The following POU2F1 variants were observed in gnomAD, a reference collection of about 807,000 sequenced individuals.
POU2F1 encodes POU class 2 homeobox 1.
In POU2F1, 16 loss-of-function variants were observed where a neutral mutation model predicts 84.9. The ratio of observed to expected loss-of-function variants is 0.19; its 90% CI spans 0.13 to 0.29. POU2F1 has a LOEUF of 0.29. POU2F1 is among the 10% of genes least tolerant of loss of function. POU2F1 has a pLI of 1.00. For missense variants in POU2F1, 738 were observed against 942.6 expected (o/e 0.78, Z 2.84); for synonymous variants, 368 against 368.3 (o/e 1.00, Z 0.01).
At position 167,386,199 on chromosome 1, in the gene POU2F1, G is replaced by C. The variant is rs115382862; in HGVS notation, c.813+2248G>C. Among the ~76,000 whole-genome samples, 581 of 152,176 alleles carry C rather than the reference G, an allele frequency of 3.8e-3. 3 individuals carry two copies. Among genetic ancestry groups the C allele is most frequent in the African/African-American group, 0.013 (559 of 41,508 alleles). ...AATTATTTTGGCAGTTTCTTTTTGGGGGGGTGAGGGGGAGGCAAGGTCTTG... is the reference window on the plus strand; with the variant it reads ...AATTATTTTGGCAGTTTCTTTTTGGCGGGGTGAGGGGGAGGCAAGGTCTTG... On this transcript the variant is annotated intron_variant, in intron 8 of 15. Coordinates refer to ENST00000367866, the MANE Select transcript of POU2F1 (RefSeq NM_002697.4).
chr1:167,239,172 G>T (rs1463366514), intron 1 of POU2F1, among the ~76,000 whole-genome samples: 2 of 152,102 alleles, frequency 1.3e-5, no homozygotes, highest in Non-Finnish European at 1.5e-5. Context: ...ATTTAACCTA[G>T]TGTTCTTTTT....
At chr1:167,366,383 AC>A (rs1387048217) in intron 3 of POU2F1, among the ~76,000 whole-genome samples, 1 of 152,100 alleles carries the variant, frequency 6.6e-6, no homozygotes, top group Admixed American at 6.6e-5. Context: ...TCAGTGAAAA[AC>A]CCATATGTAC....
At chr1:167,384,758 G>A (rs1175758229) in intron 8 of POU2F1, among the ~76,000 whole-genome samples, 1 of 151,510 alleles carries the variant, frequency 6.6e-6, no homozygotes, top group Non-Finnish European at 1.5e-5. Context: ...CATACTTCAC[G>A]AAAAACTGAA....
intron 1 of POU2F1, chr1:167,329,153 C>T: frequency 1.4e-6 from 2 of 1,414,530 alleles, no homozygotes; most frequent in Non-Finnish European, 1.9e-6. Flanking sequence ...TACGCAACCC[C>T]CCTCTTTTCG....
chr1:167,350,438 G>A (rs976686410), intron 2 of POU2F1, among the ~76,000 whole-genome samples: 11 of 152,096 alleles, frequency 7.2e-5, no homozygotes, highest in African/African-American at 2.7e-4. Flanking sequence ...CTGATACTTA[G>A]TCTGAGACCT....
intron 1 of POU2F1, among the ~76,000 whole-genome samples, chr1:167,327,024 C>T (rs2101714376): frequency 6.6e-6 from 1 of 152,304 alleles, no homozygotes; most frequent in South Asian, 2.1e-4. Flanking sequence ...TTCATCATTG[C>T]TTTTCATCTT....
At chr1:167,317,108 G>A (rs1557889712) in intron 1 of POU2F1, among the ~76,000 whole-genome samples, 1 of 152,114 alleles carries the variant, frequency 6.6e-6, no homozygotes, top group Non-Finnish European at 1.5e-5. Flanking sequence ...GGCCAGGCTG[G>A]TCTTGAACTA....
At chr1:167,244,367 C>T (rs1337775788) in intron 1 of POU2F1, among the ~76,000 whole-genome samples, 1 of 152,172 alleles carries the variant, frequency 6.6e-6, no homozygotes, top group African/African-American at 2.4e-5. Flanking sequence ...CAGTTCCTTA[C>T]TGGTGGTCGA....
In POU2F1 at chr1:167,415,923, G is replaced by A; in HGVS notation, c.*113G>A. 5 of 992,610 alleles carry A rather than the reference G, an allele frequency of 5.0e-6. No individual in the cohort carries two copies. In the South Asian group the frequency reaches 6.2e-5, roughly 12 times the overall value. 61.5% of individuals were successfully genotyped at this position (992,610 alleles called of 1,614,324 possible). A position where few individuals can be genotyped will look rare whatever the true frequency, so the allele number is the denominator to read the frequency against. Reference sequence around the variant, plus strand: ...TGGCTTCCTCTCGCCGTGTTGTGAGGGCAAAGGAGAGAAGGGAGAAAAAAA... The same window carrying A: ...TGGCTTCCTCTCGCCGTGTTGTGAGAGCAAAGGAGAGAAGGGAGAAAAAAA... On this transcript the variant is annotated 3_prime_UTR_variant, in exon 16 of 16. Transcript: ENST00000367866.
chr1:167,266,987 G>GA (rs1469090037), intron 1 of POU2F1, among the ~76,000 whole-genome samples: 1 of 152,110 alleles, frequency 6.6e-6, no homozygotes, highest in Non-Finnish European at 1.5e-5. Flanking sequence ...CACCAGTAAG[G>GA]AAAGATATGA....
intron 12 of POU2F1, among the ~76,000 whole-genome samples, chr1:167,399,995 T>G (rs868561720): frequency 0.012 from 1,418 of 114,920 alleles, 23 homozygotes; most frequent in African/African-American, 0.046. Context: ...TTTTTTTTTT[T>G]TTGTTGAGAC....
chr1:167,353,229 C>T (rs2101793644), intron 2 of POU2F1, among the ~76,000 whole-genome samples: 1 of 152,170 alleles, frequency 6.6e-6, no homozygotes, highest in East Asian at 1.9e-4. Flanking sequence ...TTCTGTTTTG[C>T]TCTTTCGTTT....
intron 1 of POU2F1, among the ~76,000 whole-genome samples, chr1:167,280,427 A>G (rs1263667006): frequency 1.3e-5 from 2 of 151,726 alleles, no homozygotes; most frequent in Non-Finnish European, 2.9e-5. Context: ...TGGAAAAATA[A>G]CTCTGAACAC....
intron 7 of POU2F1, among the ~76,000 whole-genome samples, chr1:167,378,717 TTG>T (rs959468694): frequency 5.9e-5 from 9 of 152,028 alleles, no homozygotes; most frequent in African/African-American, 2.2e-4. Context: ...TTTTGTTTTT[TTG>T]TGTTTTTTTG....
At chr1:167,358,703 T>G (rs1272328191) in intron 2 of POU2F1, among the ~76,000 whole-genome samples, 1 of 140,942 alleles carries the variant, frequency 7.1e-6, no homozygotes, top group African/African-American at 2.5e-5. Context: ...CTTAATCTTT[T>G]TATTATCTGC....
At chr1:167,252,650 A>G (rs1400366723) in intron 1 of POU2F1, among the ~76,000 whole-genome samples, 1 of 152,206 alleles carries the variant, frequency 6.6e-6, no homozygotes, top group Non-Finnish European at 1.5e-5. Flanking sequence ...AGCTTTTATT[A>G]TATCTGGCTT....
chr1:167,325,935 G>C (rs1229588710), intron 1 of POU2F1, among the ~76,000 whole-genome samples: 1 of 151,240 alleles, frequency 6.6e-6, no homozygotes, highest in African/African-American at 2.4e-5. Flanking sequence ...TCTGGGTCCT[G>C]GAAGAGCGTT....
chr1:167,246,729 T>G (rs1270035070), intron 1 of POU2F1, among the ~76,000 whole-genome samples: 1 of 152,216 alleles, frequency 6.6e-6, no homozygotes, highest in Non-Finnish European at 1.5e-5. Context: ...TTAAGGAAAT[T>G]CCTTAAGTTT....
intron 1 of POU2F1, among the ~76,000 whole-genome samples, chr1:167,245,352 T>TC (rs1173682554): frequency 6.6e-6 from 1 of 151,216 alleles, no homozygotes; most frequent in Non-Finnish European, 1.5e-5. Flanking sequence ...CAAGTGATCC[T>TC]CCCAACTCAA....
Sources: gnomAD v4.1 joint callset for allele counts (sites outside exome capture counted in the v4.1 genomes callset) on GRCh38, gnomAD v4.1.1 for gene constraint, MANE v1.5 for transcripts, NCBI Gene and HGNC (gene_info 2026-07-23, HGNC 2026-07-21) for gene names.